The following CACNA1D variants were observed in gnomAD, a reference collection of about 807,000 sequenced individuals.
CACNA1D encodes calcium voltage-gated channel subunit alpha1 D, also known as voltage-dependent L-type calcium channel subunit alpha-1D.
A neutral mutation model predicts 257.1 loss-of-function variants in CACNA1D; 55 were observed. That is an observed-to-expected ratio of 0.21 (90% CI 0.17 to 0.27). The LOEUF (loss-of-function observed/expected upper bound fraction) is 0.27. CACNA1D is among the 10% of genes least tolerant of loss of function. The pLI is 1.00. For missense variants in CACNA1D, 1,876 were observed against 2,784.0 expected (o/e 0.67, Z 7.34); for synonymous variants, 980 against 1,014.9 (o/e 0.97, Z 0.65).
At chr3:53,665,921 C>G (rs2094257220) in intron 6 of CACNA1D, 109 bp downstream of exon 6, 4 of 829,250 alleles carry the variant, frequency 4.8e-6, no homozygotes, top group Non-Finnish European at 8.0e-6. Context: ...AAAAAATGCC[C>G]AATATACCAG....
Position 53,702,791 on chromosome 3 carries a change from A to G in CACNA1D, c.1371A>G (p.Gly457=), listed in dbSNP as rs1228275418. ...DIDPENEEEG[G]EEGKRNTSMP... is the part of the protein sequence containing the mutation. ...ATCCGGAGAATGAGGAAGAAGGAGG[A>G]GAGGAAGGCAAACGAAATAGTATGT... Residue 457 remains glycine, a synonymous_variant, in exon 9 of 48, where the codon GGA becomes GGG. Transcript: ENST00000350061. The G allele has an allele frequency of 6.2e-7, 1 of 1,614,216 alleles. No homozygotes were observed. Among genetic ancestry groups the G allele is most frequent in the South Asian group, 1.1e-5 (1 of 91,082 alleles).
intron 45 of CACNA1D, 72 bp downstream of exon 45, chr3:53,805,218 G>A: frequency 5.5e-6 from 8 of 1,451,306 alleles, no homozygotes; most frequent in Non-Finnish European, 7.7e-6. Flanking sequence ...CCCCCGCTCT[G>A]GGGGCCGGTG....
At chr3:53,508,882 T>C (rs1057242442) in intron 3 of CACNA1D, among the ~76,000 whole-genome samples, 1 of 151,966 alleles carries the variant, frequency 6.6e-6, no homozygotes, top group Non-Finnish European at 1.5e-5. Context: ...GGAGGTGGGG[T>C]GTACAGGGAG....
rs17053285 is a variant in CACNA1D, at chr3:53,630,704, A to G, written c.484-20075A>G. On this transcript the variant is annotated intron_variant, in intron 3 of 47. Transcript: ENST00000350061. ...TTCAAATGACAAGTTGGTTAAAAGG[A>G]AATCTGACAGCTTCTAGAGTGTTGG... Among the ~76,000 whole-genome samples the G allele has an allele frequency of 6.5e-3, 989 of 152,334 alleles. 25 individuals carry two copies. In the East Asian group the frequency reaches 0.085, roughly 13 times the overall value.
Position 53,665,706 on chromosome 3 carries a change from C to T in CACNA1D, c.813C>T (p.Leu271=). Residue 271 remains leucine, a synonymous_variant, in exon 6 of 48, where the codon CTC becomes CTT. Coordinates refer to ENST00000350061, the MANE Select transcript of CACNA1D (RefSeq NM_001128840.3). ...LNSIIKAMVP[L]LHIALLVLFV... is the part of the protein sequence containing the mutation. ...CCATTATAAAAGCCATGGTTCCCCTCCTTCACATAGCCCTTTTGGTATTAT... is the reference window on the plus strand; with the variant it reads ...CCATTATAAAAGCCATGGTTCCCCTTCTTCACATAGCCCTTTTGGTATTAT... 1 of 1,609,230 alleles carries T rather than the reference C, an allele frequency of 6.2e-7. No individual in the cohort carries two copies.
At chr3:53,548,553 GC>G (rs770298232) in intron 3 of CACNA1D, among the ~76,000 whole-genome samples, 5 of 152,058 alleles carry the variant, frequency 3.3e-5, no homozygotes, top group Non-Finnish European at 5.9e-5. Context: ...CAGGTTGCTT[GC>G]CCCTGCAGGT....
chr3:53,737,165 T>C (rs2095065985), intron 20 of CACNA1D, among the ~76,000 whole-genome samples: 1 of 151,776 alleles, frequency 6.6e-6, no homozygotes, highest in Non-Finnish European at 1.5e-5. Context: ...CCAGGTGTGG[T>C]GGTGCACGCC....
At position 53,796,808 on chromosome 3, in the gene CACNA1D, C is replaced by T. The variant is rs1437136774; in HGVS notation, c.4924-3441C>T. 2.0e-5 allele frequency among the ~76,000 whole-genome samples: 3 copies of T among 152,178 alleles called. No homozygotes were observed. The East Asian group carries it at 5.8e-4, about 29-fold the overall frequency. On this transcript the variant is annotated intron_variant, in intron 40 of 47. Transcript: ENST00000350061. Reference sequence around the variant, plus strand: ...ATTTTAAAATCAACCAGAAACTAGGCTTGATTCTGTTTAATATTTTATAAG... The same window carrying T: ...ATTTTAAAATCAACCAGAAACTAGGTTTGATTCTGTTTAATATTTTATAAG...
At chr3:53,643,608 A>C (rs2093987015) in intron 3 of CACNA1D, among the ~76,000 whole-genome samples, 1 of 152,072 alleles carries the variant, frequency 6.6e-6, no homozygotes, top group Admixed American at 6.5e-5. Flanking sequence ...CTGTCCTTGG[A>C]GACTTTGCTC....
intron 3 of CACNA1D, among the ~76,000 whole-genome samples, chr3:53,532,218 C>T (rs1159192663): frequency 6.6e-6 from 1 of 152,182 alleles, no homozygotes; most frequent in East Asian, 1.9e-4. Context: ...AGGAAGTAGA[C>T]CACAAGAAGT....
At chr3:53,579,948 C>G (rs1023905491) in intron 3 of CACNA1D, among the ~76,000 whole-genome samples, 11 of 152,186 alleles carry the variant, frequency 7.2e-5, no homozygotes, top group Admixed American at 5.9e-4. Context: ...GCAGGGCTTG[C>G]GAAAAGATTC....
At chr3:53,693,582 G>T (rs907997628) in intron 8 of CACNA1D, among the ~76,000 whole-genome samples, 1 of 150,808 alleles carries the variant, frequency 6.6e-6, no homozygotes, top group African/African-American at 2.4e-5. Flanking sequence ...TTTGCATTCT[G>T]TTTCATTTCC....
At position 53,673,012 on chromosome 3, in the gene CACNA1D, A is replaced by T; in HGVS notation, c.1117-11A>T. ...TAACCCACTCCTATGAGACCATCTT[A>T]TTTCTTGCAGATGAATGATGCTATG... On this transcript the variant is annotated splice_polypyrimidine_tract_variant and intron_variant, in intron 7 of 47. Transcript: ENST00000350061. This position sits in a 1 kb window ranked among gnomAD's most constrained non-coding sequence, Gnocchi z 4.1. 1 of 1,538,822 alleles carries T rather than the reference A, an allele frequency of 6.5e-7. No homozygotes were observed. Among genetic ancestry groups the T allele is most frequent in the Non-Finnish European group, 8.8e-7 (1 of 1,135,354 alleles).
intron 9 of CACNA1D, among the ~76,000 whole-genome samples, chr3:53,711,424 C>A (rs896757326): frequency 6.6e-6 from 1 of 152,210 alleles, no homozygotes; most frequent in Non-Finnish European, 1.5e-5. Context: ...CATCCCCAGG[C>A]AGACAGTTAG....
At chr3:53,498,978 C>G (rs1419069879) in intron 2 of CACNA1D, among the ~76,000 whole-genome samples, 1 of 152,174 alleles carries the variant, frequency 6.6e-6, no homozygotes, top group Non-Finnish European at 1.5e-5. Flanking sequence ...GCATGTGGCC[C>G]AGTGGCATTG....
At chr3:53,589,833 G>T (rs545278346) in intron 3 of CACNA1D, among the ~76,000 whole-genome samples, 30 of 152,122 alleles carry the variant, frequency 2.0e-4, no homozygotes, top group Non-Finnish European at 4.0e-4. Flanking sequence ...CATTTCAAGG[G>T]CCCTTTTCCC....
chr3:53,691,867 A>C, intron 8 of CACNA1D, among the ~76,000 whole-genome samples: 1 of 111,508 alleles, frequency 9.0e-6, no homozygotes, highest in Non-Finnish European at 1.7e-5. Flanking sequence ...TATATATTAT[A>C]TATATTACAT....
At chr3:53,593,789 G>A (rs557063876) in intron 3 of CACNA1D, among the ~76,000 whole-genome samples, 2 of 152,148 alleles carry the variant, frequency 1.3e-5, no homozygotes, top group Non-Finnish European at 2.9e-5. Context: ...CAACTAGCAC[G>A]TGGGCAGAAG....
At chr3:53,729,806 G>A (rs988558160) in intron 15 of CACNA1D, among the ~76,000 whole-genome samples, 6 of 152,210 alleles carry the variant, frequency 3.9e-5, no homozygotes, top group Non-Finnish European at 7.3e-5. Flanking sequence ...TCGAGCTGCA[G>A]TGAGACTATT....
Sources: allele counts gnomAD v4.1 joint callset (sites outside exome capture counted in the v4.1 genomes callset), GRCh38; gene constraint gnomAD v4.1.1; non-coding constraint Gnocchi (gnomAD v3.1); transcripts MANE v1.5; gene names NCBI Gene and HGNC (gene_info 2026-07-23, HGNC 2026-07-21).